The following GNB4 variants were observed in gnomAD, a reference collection of about 807,000 sequenced individuals.
The protein encoded by GNB4 is guanine nucleotide-binding protein subunit beta-4.
In GNB4, 28 loss-of-function variants were observed where a neutral mutation model predicts 45.2. The observed-to-expected ratio is 0.62, with a 90% CI of 0.46 to 0.85. GNB4 has a LOEUF of 0.85. Ranked by LOEUF, GNB4 falls within the 40% of genes least tolerant of loss-of-function variation. GNB4 has a pLI of 0.00. For synonymous variants in GNB4, 132 were observed against 143.7 expected, an observed-to-expected ratio of 0.92 and a Z score of 0.58; for missense variants, 321 against 425.4, an observed-to-expected ratio of 0.75 and a Z score of 2.16.
At chr3:179,508,932 G>GTATATATATATATA in the GNB4 span, among the ~76,000 whole-genome samples, 2,576 of 102,002 alleles carry the variant, frequency 0.025, 138 homozygotes, top group East Asian at 0.11. Flanking sequence ...TTCAGCATGT[G>GTATATATATATATA]TATATATATA....
chr3:179,481,439 T>A, the GNB4 span, among the ~76,000 whole-genome samples: 5 of 152,146 alleles, frequency 3.3e-5, no homozygotes, highest in Non-Finnish European at 7.4e-5. Context: ...CCTCCCAAAG[T>A]GCTGAGATTA....
the GNB4 span, among the ~76,000 whole-genome samples, chr3:179,491,921 G>A: frequency 1.1e-4 from 16 of 152,094 alleles, no homozygotes; most frequent in Admixed American, 4.6e-4. Flanking sequence ...GAATTAGAAG[G>A]TTTCCATACC....
At chr3:179,446,411 G>A (rs1715727284) in intron 1 of GNB4, among the ~76,000 whole-genome samples, 4 of 152,222 alleles carry the variant, frequency 2.6e-5, no homozygotes, top group Admixed American at 1.3e-4. Context: ...AGGGACAGAA[G>A]TATATTTAAG....
At chr3:179,406,394 A>G (rs1032869122) in intron 8 of GNB4, among the ~76,000 whole-genome samples, 1 of 152,162 alleles carries the variant, frequency 6.6e-6, no homozygotes, top group African/African-American at 2.4e-5. Context: ...CATCATGACT[A>G]TGATCTCTGA....
chr3:179,493,611 G>A, the GNB4 span, among the ~76,000 whole-genome samples: 257 of 152,034 alleles, frequency 1.7e-3, 1 homozygote, highest in African/African-American at 5.8e-3. Context: ...TGAATTATAG[G>A]GGTCCCAGAA....
chr3:179,492,987 G>A, the GNB4 span, among the ~76,000 whole-genome samples: 1 of 152,090 alleles, frequency 6.6e-6, no homozygotes, highest in Non-Finnish European at 1.5e-5. Context: ...ATGGAGTTTT[G>A]GGGAGACTAT....
In GNB4 at chr3:179,414,775, C is replaced by G. The variant is rs570764242; in HGVS notation, c.430+110G>C. 2.1e-5 allele frequency: 15 copies of G among 730,696 alleles called. No individual in the cohort carries two copies. The Admixed American group carries it at 4.3e-4, about 21-fold the overall frequency. The allele number at this position is 730,696 out of a possible 1,614,324, so 45.3% of individuals were successfully genotyped here. ...TGTTCATAATAATTTCATTCCCACC[C>G]GATTAATCCTCATCCTTTAGCCAGC... is the stretch of plus-strand genomic sequence containing the variant. On this transcript the variant is annotated intron_variant, in intron 6 of 9. Transcript: ENST00000232564.
At chr3:179,440,817 T>C (rs1407045719) in intron 1 of GNB4, among the ~76,000 whole-genome samples, 3 of 152,124 alleles carry the variant, frequency 2.0e-5, no homozygotes, top group African/African-American at 4.8e-5. Flanking sequence ...GTGTTAAGTA[T>C]AGTGTTGATA....
At chr3:179,409,550 G>A (rs1438758345) in intron 8 of GNB4, among the ~76,000 whole-genome samples, 5 of 151,186 alleles carry the variant, frequency 3.3e-5, no homozygotes, top group Admixed American at 6.6e-5. Flanking sequence ...TGTGACTCAC[G>A]CCTGTAATCC....
At chr3:179,415,291 C>T (rs760596568) in intron 5 of GNB4, among the ~76,000 whole-genome samples, 1 of 152,032 alleles carries the variant, frequency 6.6e-6, no homozygotes, top group Non-Finnish European at 1.5e-5. Context: ...GGAAATAATT[C>T]TCTTAATAAA....
chr3:179,488,349 A>C, the GNB4 span, among the ~76,000 whole-genome samples: 1 of 152,168 alleles, frequency 6.6e-6, no homozygotes, highest in Non-Finnish European at 1.5e-5. Context: ...GTGTTTTTTC[A>C]GTATGCATGT....
the GNB4 span, among the ~76,000 whole-genome samples, chr3:179,506,515 A>G: frequency 6.6e-6 from 1 of 152,198 alleles, no homozygotes; most frequent in Non-Finnish European, 1.5e-5. Context: ...AAATACACAT[A>G]AATTAAAGGA....
chr3:179,440,282 C>T (rs1715562780), intron 1 of GNB4, among the ~76,000 whole-genome samples: 1 of 152,138 alleles, frequency 6.6e-6, no homozygotes, highest in Non-Finnish European at 1.5e-5. Context: ...ATACCCAGGT[C>T]AGGAAGGACA....
the GNB4 span, among the ~76,000 whole-genome samples, chr3:179,486,959 T>A: frequency 6.6e-6 from 1 of 152,190 alleles, no homozygotes. Context: ...CAAAAACATA[T>A]TGGCATAAAC....
intron 5 of GNB4, 81 bp downstream of exon 5, chr3:179,416,412 G>T: frequency 1.3e-6 from 1 of 766,368 alleles, no homozygotes; most frequent in Non-Finnish European, 2.2e-6. Flanking sequence ...ATTTAAGTTT[G>T]AGGTAAAAGA....
chr3:179,401,318 A>C lies in GNB4; in HGVS notation c.918T>G (p.Gly306=), dbSNP rs1714292732. The change falls in exon 10 of 10, where the codon GGT becomes GGG. Residue 306 remains glycine (G), a splice_region_variant and synonymous_variant. Transcript: ENST00000232564. The part of the protein sequence containing the change: ...VWDTLKGDRA[G]VLAGHDNRVS... ...CACGGTTGTCATGACCAGCAAGGAC[A>C]CCTGAAAAAAAAATTCAGTAAAAAA... 5.6e-6 allele frequency: 9 copies of C among 1,605,738 alleles called. No homozygotes were observed. Among genetic ancestry groups the C allele is most frequent in the Non-Finnish European group, 7.7e-6 (9 of 1,175,790 alleles).
intron 1 of GNB4, among the ~76,000 whole-genome samples, chr3:179,443,923 C>A (rs1189596527): frequency 6.6e-6 from 1 of 152,202 alleles, no homozygotes; most frequent in Non-Finnish European, 1.5e-5. Flanking sequence ...ATAGAATATT[C>A]ATTTTTAGTT....
intron 3 of GNB4, among the ~76,000 whole-genome samples, chr3:179,420,086 C>T (rs1714931272): frequency 6.6e-6 from 1 of 150,878 alleles, no homozygotes; most frequent in Non-Finnish European, 1.5e-5. Context: ...GAAGCATAAA[C>T]TATATGAATC....
At chr3:179,524,276 C>T in the GNB4 span, among the ~76,000 whole-genome samples, 13 of 152,310 alleles carry the variant, frequency 8.5e-5, no homozygotes, top group Admixed American at 7.2e-4. Context: ...GAGTGGCTGC[C>T]GGGTGAGTTG....
Sources: allele counts gnomAD v4.1 joint callset (sites outside exome capture counted in the v4.1 genomes callset), GRCh38; gene constraint gnomAD v4.1.1; transcripts MANE v1.5; gene names NCBI Gene and HGNC (gene_info 2026-07-23, HGNC 2026-07-21).